CFAP97: variants seen among roughly 807,000 people sequenced by gnomAD.
The protein encoded by CFAP97 is cilia- and flagella-associated protein 97.
CFAP97 carries 36 observed loss-of-function variants against 43.1 expected under a neutral mutation model. The observed-to-expected ratio is 0.84, with a 90% CI of 0.64 to 1.10. The LOEUF is 1.10. CFAP97 is among the 50% of genes least tolerant of loss of function. The pLI is 0.00. For synonymous variants in CFAP97, 228 were observed against 225.7 expected (o/e 1.01, Z -0.09); for missense variants, 657 against 620.3 (o/e 1.06, Z -0.63).
At chr4:185,195,484 A>T (rs748347296) in intron 1 of CFAP97, among the ~76,000 whole-genome samples, 1 of 152,214 alleles carries the variant, frequency 6.6e-6, no homozygotes, top group Admixed American at 6.5e-5. Context: ...CCTTGTCTCA[A>T]AATAAACAAA....
intron 2 of CFAP97, among the ~76,000 whole-genome samples, chr4:185,182,993 G>A (rs371861994): frequency 3.3e-5 from 5 of 152,076 alleles, no homozygotes; most frequent in South Asian, 4.2e-4. Context: ...CCAGCTACTC[G>A]GGAGGCTGAG....
chr4:185,203,086 G>T (rs948056092), intron 1 of CFAP97, among the ~76,000 whole-genome samples: 1 of 152,090 alleles, frequency 6.6e-6, no homozygotes, highest in African/African-American at 2.4e-5. Flanking sequence ...TGTAATCCCC[G>T]GACTTTGGGA....
chr4:185,185,255 G>T (rs924404417), intron 2 of CFAP97, among the ~76,000 whole-genome samples: 8 of 151,654 alleles, frequency 5.3e-5, no homozygotes, highest in Admixed American at 5.3e-4. Context: ...ATCACAGTAA[G>T]AATTATGAAC....
intron 2 of CFAP97, among the ~76,000 whole-genome samples, chr4:185,186,781 T>A: frequency 6.6e-6 from 1 of 152,352 alleles, no homozygotes; most frequent in Middle Eastern, 3.4e-3. Context: ...GTGTAATTTC[T>A]AATATGGTAA....
chr4:185,189,527 A>G (rs1164964774), intron 2 of CFAP97, among the ~76,000 whole-genome samples: 1 of 152,240 alleles, frequency 6.6e-6, no homozygotes, highest in Non-Finnish European at 1.5e-5. Context: ...GAAAATTGTT[A>G]CTTTCAAACT....
chr4:185,189,091 GC>G (rs1736123036), intron 2 of CFAP97, among the ~76,000 whole-genome samples: 1 of 152,150 alleles, frequency 6.6e-6, no homozygotes, highest in Non-Finnish European at 1.5e-5. Context: ...AAAAATATTA[GC>G]CAGGTGTGGT....
intron 3 of CFAP97, among the ~76,000 whole-genome samples, chr4:185,173,869 G>C (rs1735409887): frequency 6.6e-6 from 1 of 152,254 alleles, no homozygotes; most frequent in South Asian, 2.1e-4. Flanking sequence ...CTTAAAAACT[G>C]TTAAAATGGC....
rs1735539901 is a variant in CFAP97 at position 185,176,279 on chromosome 4, A to AAT, written c.1055-229_1055-228insAT. 2.0e-5 allele frequency among the ~76,000 whole-genome samples: 3 copies of AAT among 151,782 alleles called. No homozygotes were observed. The South Asian group carries it at 6.3e-4, about 32-fold the overall frequency. ...AGGCATCCACCACCATGCCTGGCTA[A>AAT]TTTTTGTATTTTTAGTAGGGACAGG... On this transcript the variant is annotated intron_variant, in intron 2 of 4. Transcript: ENST00000458385.
intron 3 of CFAP97, chr4:185,170,452 C>T (rs1735253617): frequency 7.8e-6 from 3 of 384,464 alleles, no homozygotes; most frequent in Admixed American, 4.5e-5. Context: ...TCTTGTTGCC[C>T]AGGCGAGTAT....
chr4:185,209,972 C>T, upstream of CFAP97: 1 of 983,270 alleles, frequency 1.0e-6, no homozygotes, highest in Non-Finnish European at 1.2e-6. This position sits in a 1 kb window ranked among gnomAD's most constrained non-coding sequence, Gnocchi z 5.2. Flanking sequence ...GCGGCGGCGC[C>T]GGGGGCCCCG....
At chr4:185,164,941 T>C (rs1025726736) in intron 3 of CFAP97, among the ~76,000 whole-genome samples, 1 of 152,212 alleles carries the variant, frequency 6.6e-6, no homozygotes, top group Non-Finnish European at 1.5e-5. Context: ...CCCTGTTCCT[T>C]TGCAGTAGTG....
upstream of CFAP97, chr4:185,209,867 G>T: frequency 1.0e-6 from 1 of 983,284 alleles, no homozygotes; most frequent in Non-Finnish European, 1.2e-6. This position sits in a 1 kb window ranked among gnomAD's most constrained non-coding sequence, Gnocchi z 5.2. Flanking sequence ...GCCGGCCCCA[G>T]CCCCGCGCGG....
At position 185,176,121 on chromosome 4, in the gene CFAP97, T is replaced by C. The variant is rs553140338; in HGVS notation, c.1055-70A>G. 2.7e-4 allele frequency: 342 copies of C among 1,258,418 alleles called. 1 individual carries two copies. The highest frequency in any genetic ancestry group is 1.1e-3 in the East Asian group (43 of 38,138). 78.0% of individuals were successfully genotyped at this position (1,258,418 alleles called of 1,614,324 possible). A position where few individuals can be genotyped will look rare whatever the true frequency, so the allele number is the denominator to read the frequency against. Reference sequence around the variant, plus strand: ...TATGTGGTACATGCTTTTTTTTTTTTTCTCTTTTTAGACGGAGTTTCACTC... The same window carrying C: ...TATGTGGTACATGCTTTTTTTTTTTCTCTCTTTTTAGACGGAGTTTCACTC... On this transcript the variant is annotated intron_variant, in intron 2 of 4. Coordinates refer to ENST00000458385, the MANE Select transcript of CFAP97 (RefSeq NM_020827.3).
rs1736187851 is a variant in CFAP97, at chr4:185,190,454, G to A, written c.743C>T (p.Ser248Phe). 6.2e-7 allele frequency: 1 copy of A among 1,613,790 alleles called. No individual in the cohort carries two copies. Among genetic ancestry groups the A allele is most frequent in the African/African-American group, 1.3e-5 (1 of 74,934 alleles). ...ACTTACGTCAGTCACAGTATCTTCAGACTCCTCAGGGTAGTGGCCACATTT... is the reference window on the plus strand; with the variant it reads ...ACTTACGTCAGTCACAGTATCTTCAAACTCCTCAGGGTAGTGGCCACATTT... ...TPKCGHYPEE[S>F]EDTVTDVSPL... The change falls in exon 2 of 5, where the codon TCT (serine) becomes TTT (phenylalanine). Residue 248 changes from serine (S) to phenylalanine (F), a missense_variant. Coordinates refer to ENST00000458385, the MANE Select transcript of CFAP97 (RefSeq NM_020827.3).
intron 3 of CFAP97, among the ~76,000 whole-genome samples, chr4:185,167,016 GTTAGCATA>G (rs1385331284): frequency 2.0e-5 from 3 of 152,062 alleles, no homozygotes; most frequent in Non-Finnish European, 2.9e-5. Context: ...ATCAGCTATG[GTTAGCATA>G]TTTTATGTAT....
intron 1 of CFAP97, among the ~76,000 whole-genome samples, chr4:185,192,475 GACC>G (rs1736307124): frequency 6.6e-6 from 1 of 152,058 alleles, no homozygotes; most frequent in African/African-American, 2.4e-5. Flanking sequence ...TTTCCCTAGA[GACC>G]ACGTTTTTGT....
chr4:185,206,881 G>A (rs1027872907), upstream of CFAP97, among the ~76,000 whole-genome samples: 1 of 152,098 alleles, frequency 6.6e-6, no homozygotes, highest in African/African-American at 2.4e-5. Flanking sequence ...TCAGAACCAG[G>A]GAATAGGATG....
At chr4:185,196,509 G>A (rs1242751821) in intron 1 of CFAP97, among the ~76,000 whole-genome samples, 3 of 151,578 alleles carry the variant, frequency 2.0e-5, no homozygotes, top group African/African-American at 7.3e-5. Flanking sequence ...ATAAGAGTAA[G>A]TTTCATGAAA....
At chr4:185,189,638 T>C (rs1170518488) in intron 2 of CFAP97, among the ~76,000 whole-genome samples, 1 of 152,236 alleles carries the variant, frequency 6.6e-6, no homozygotes, top group African/African-American at 2.4e-5. Context: ...TTTCATCAAT[T>C]TGGTAATTAT....
Sources: gnomAD v4.1 joint callset for allele counts (sites outside exome capture counted in the v4.1 genomes callset) on GRCh38, gnomAD v4.1.1 for gene constraint, Gnocchi (gnomAD v3.1) non-coding constraint, MANE v1.5 for transcripts, NCBI Gene and HGNC (gene_info 2026-07-23, HGNC 2026-07-21) for gene names.